Variants in SLC44A1 observed in about 807,000 individuals in gnomAD.
The protein encoded by SLC44A1 is choline transporter-like protein 1.
In SLC44A1, 26 loss-of-function variants were observed where a neutral mutation model predicts 79.3. The observed-to-expected ratio is 0.33, with a 90% confidence interval of 0.24 to 0.46. The LOEUF (loss-of-function observed/expected upper bound fraction) is 0.46. Ranked by LOEUF, SLC44A1 falls within the 20% of genes least tolerant of loss-of-function variation. SLC44A1 has a pLI of 1.00. For missense variants in SLC44A1, 688 were observed against 798.1 expected, an observed-to-expected ratio of 0.86 and a Z score of 1.66; for synonymous variants, 263 against 286.2, an observed-to-expected ratio of 0.92 and a Z score of 0.82.
intron 7 of SLC44A1, among the ~76,000 whole-genome samples, chr9:105,360,200 A>T: frequency 6.6e-6 from 1 of 152,118 alleles, no homozygotes; most frequent in East Asian, 1.9e-4. Context: ...CTCTTTCCTT[A>T]GATAGTGTCA....
chr9:105,417,839 CAAA>C (rs146589405), intron 15 of SLC44A1, among the ~76,000 whole-genome samples: 1,248 of 57,938 alleles, frequency 0.022, 10 homozygotes, highest in African/African-American at 0.052. Flanking sequence ...CTCATCCCTA[CAAA>C]AAAAAAAAAA....
intron 13 of SLC44A1, among the ~76,000 whole-genome samples, chr9:105,375,300 A>T: frequency 6.6e-6 from 1 of 152,136 alleles, no homozygotes; most frequent in Non-Finnish European, 1.5e-5. Flanking sequence ...TTCGCCTCCC[A>T]AAGTGCTGGG....
At chr9:105,361,376 G>GC in intron 8 of SLC44A1, 46 bp downstream of exon 8, 1 of 1,530,584 alleles carries the variant, frequency 6.5e-7, no homozygotes, top group South Asian at 1.3e-5. Context: ...GTTTTTGTTT[G>GC]CAGGAGATCA....
chr9:105,363,940 C>G (rs575567472), intron 9 of SLC44A1, among the ~76,000 whole-genome samples: 1 of 152,316 alleles, frequency 6.6e-6, no homozygotes, highest in African/African-American at 2.4e-5. Flanking sequence ...GGAGTTACCT[C>G]AAATCCCAGG....
rs1829107304 is a variant in SLC44A1 at position 105,412,297 on chromosome 9, AT to A, written c.1951-25979del. Among the ~76,000 whole-genome samples, 2 of 152,114 alleles carry A rather than the reference AT, an allele frequency of 1.3e-5. 1 individual carries two copies. The highest frequency in any genetic ancestry group is 1.3e-4 in the Admixed American group (2 of 15,266). ...TTACTTTTTTCTGTTATCCTCATTTATTTTTATGCCCACATTGTCTCAGATT... is the reference window on the plus strand; with the variant it reads ...TTACTTTTTTCTGTTATCCTCATTTATTTTATGCCCACATTGTCTCAGATT... On this transcript the variant is annotated intron_variant, in intron 15 of 15. Coordinates refer to the SLC44A1 transcript ENST00000374724.
At position 105,348,398 on chromosome 9, in the gene SLC44A1, C is replaced by T. The variant is rs954615281; in HGVS notation, c.447C>T (p.Tyr149=). 2.5e-6 allele frequency: 4 copies of T among 1,611,982 alleles called. No homozygotes were observed. Among genetic ancestry groups the T allele is most frequent in the East Asian group, 2.2e-5 (1 of 44,754 alleles). ...LCSYNLKPSE[Y]TTSPKSSVLC... ...GCTACAACCTAAAGCCTTCTGAATA[C>T]ACTACATCTCCAAAATCTTCTGTTC... The change falls in exon 5 of 16, where the codon TAC becomes TAT. Residue 149 remains tyrosine (Y), a synonymous_variant. Coordinates refer to ENST00000374720, the MANE Select transcript of SLC44A1 (RefSeq NM_080546.5).
intron 3 of SLC44A1, among the ~76,000 whole-genome samples, chr9:105,330,735 T>A (rs1826724407): frequency 6.6e-6 from 1 of 152,222 alleles, no homozygotes; most frequent in Admixed American, 6.5e-5. Context: ...AATTTGTTAT[T>A]GTATCTCAAA....
intron 15 of SLC44A1, among the ~76,000 whole-genome samples, chr9:105,429,088 AT>A (rs1263904977): frequency 2.0e-5 from 3 of 152,206 alleles, no homozygotes; most frequent in Non-Finnish European, 4.4e-5. Context: ...TACTGGGCAT[AT>A]GGTCAAAAAA....
At chr9:105,351,568 GAAAGAGAGAAAGAGAGAA>G (rs1827416092) in intron 5 of SLC44A1, among the ~76,000 whole-genome samples, 1 of 124,038 alleles carries the variant, frequency 8.1e-6, no homozygotes, top group African/African-American at 3.5e-5. Flanking sequence ...GAGAAAGAGA[GAAAGAGAGAAAGAGAGAA>G]AGAGAGAAAG....
rs1265405224 is a variant in SLC44A1, at chr9:105,345,208, A to G, written c.407-3150A>G. 7.9e-5 allele frequency among the ~76,000 whole-genome samples: 12 copies of G among 152,300 alleles called. No homozygotes were observed. In the East Asian group the frequency reaches 2.3e-3, roughly 29 times the overall value. ...AACACTTTACAGTATTTTAACTGAC[A>G]CAGTAGGAGGTCATGAAGGTCTGAG... On this transcript the variant is annotated intron_variant, in intron 4 of 15. Transcript: ENST00000374720.
chr9:105,274,410 G>A (rs183522973), intron 1 of SLC44A1, among the ~76,000 whole-genome samples: 1 of 152,184 alleles, frequency 6.6e-6, no homozygotes, highest in Admixed American at 6.5e-5. Context: ...TACTTATGAT[G>A]TTCTTGTTTG....
Position 105,385,494 on chromosome 9 carries a change from A to G in SLC44A1, c.1942A>G (p.Lys648Glu). Residue 648 changes from lysine (K) to glutamate (E), a missense_variant, in exon 15 of 16, where the codon AAG (lysine) becomes GAG (glutamate). Coordinates refer to ENST00000374720, the MANE Select transcript of SLC44A1 (RefSeq NM_080546.5). ...AGGCGTCGCTGATTCCAGAGAGCTA[A>G]AGCCGATGGTAGGTGGAGATGAGGA... ...KGGVADSREL[K>E]PMASGASSA The G allele has an allele frequency of 6.4e-7, 1 of 1,574,698 alleles. No homozygotes were observed. The highest frequency in any genetic ancestry group is 1.3e-5 in the African/African-American group (1 of 74,626).
chr9:105,337,381 A>G (rs1339842059), intron 4 of SLC44A1, among the ~76,000 whole-genome samples: 1 of 152,210 alleles, frequency 6.6e-6, no homozygotes, highest in Non-Finnish European at 1.5e-5. Flanking sequence ...TAGGATGGTT[A>G]TGAGGACTTG....
intron 7 of SLC44A1, 85 bp from the exon 8 acceptor site, chr9:105,361,106 A>C: frequency 7.6e-7 from 1 of 1,311,330 alleles, no homozygotes; most frequent in Non-Finnish European, 1.1e-6. Flanking sequence ...GATGATCTGT[A>C]GGAAGGGTCA....
intron 7 of SLC44A1, among the ~76,000 whole-genome samples, chr9:105,360,051 G>C (rs1827734590): frequency 6.6e-6 from 1 of 152,170 alleles, no homozygotes; most frequent in South Asian, 2.1e-4. Flanking sequence ...AGGCCTTACA[G>C]TGTGGTCTGG....
chr9:105,361,203 T>C lies in SLC44A1; in HGVS notation c.773T>C (p.Val258Ala). ...VILGSLGGTG[V>A]LWWLYAKQRR... Reference sequence around the variant, plus strand: ...CTTTTGTCTCCAGGAGGCACAGGTGTACTATGGTGGCTGTATGCAAAGCAA... The same window carrying C: ...CTTTTGTCTCCAGGAGGCACAGGTGCACTATGGTGGCTGTATGCAAAGCAA... The change falls in exon 8 of 16, where the codon GTA becomes GCA. Residue 258 changes from valine to alanine, a missense_variant. Physicochemically the swap from Val to Ala is moderately conservative, Grantham distance 64 (BLOSUM62 0). Coordinates refer to ENST00000374720, the MANE Select transcript of SLC44A1 (RefSeq NM_080546.5). 1 of 1,614,110 alleles carries C rather than the reference T, an allele frequency of 6.2e-7. No individual in the cohort carries two copies. Among genetic ancestry groups the C allele is most frequent in the East Asian group, 2.2e-5 (1 of 44,884 alleles).
chr9:105,305,084 C>T (rs1830991011), intron 2 of SLC44A1, among the ~76,000 whole-genome samples: 2 of 144,508 alleles, frequency 1.4e-5, no homozygotes, highest in Non-Finnish European at 1.5e-5. Context: ...AATCCTCCTG[C>T]TTCAGCCTCC....
chr9:105,261,156 A>C (rs1829829457), intron 1 of SLC44A1, among the ~76,000 whole-genome samples: 1 of 152,210 alleles, frequency 6.6e-6, no homozygotes, highest in African/African-American at 2.4e-5. Flanking sequence ...CTAGGTTATA[A>C]TGAAGTCTTG....
intron 3 of SLC44A1, among the ~76,000 whole-genome samples, chr9:105,323,719 C>T (rs921420606): frequency 6.6e-6 from 1 of 152,192 alleles, no homozygotes; most frequent in Admixed American, 6.5e-5. Flanking sequence ...AGCACTCTCA[C>T]ATATTCTGTC....
Sources: gnomAD v4.1 joint callset for allele counts (sites outside exome capture counted in the v4.1 genomes callset) on GRCh38, gnomAD v4.1.1 for gene constraint, MANE v1.5 for transcripts, NCBI Gene and HGNC (gene_info 2026-07-23, HGNC 2026-07-21) for gene names.